The following NDUFA2 variants were observed in gnomAD, a reference collection of about 807,000 sequenced individuals.
The protein encoded by NDUFA2 is NADH:ubiquinone oxidoreductase subunit A2.
Under a neutral mutation model 11.4 loss-of-function variants are expected in NDUFA2, and 9 were observed. That is an observed-to-expected ratio of 0.79 (90% CI 0.48 to 1.38). NDUFA2 has a LOEUF of 1.38. Ranked by LOEUF, NDUFA2 falls within the 40% of genes most tolerant of loss-of-function variation. The pLI is 0.00. For synonymous variants in NDUFA2, 49 were observed against 54.0 expected (o/e 0.91, Z 0.41); for missense variants, 150 against 131.2 (o/e 1.14, Z -0.70).
At chr5:140,646,298 A>C (rs1757394300) in intron 2 of NDUFA2, among the ~76,000 whole-genome samples, 1 of 152,124 alleles carries the variant, frequency 6.6e-6, no homozygotes, top group Non-Finnish European at 1.5e-5. Context: ...GGCGTGAACC[A>C]CCGCACCCAG....
intron 2 of NDUFA2, among the ~76,000 whole-genome samples, chr5:140,646,522 C>T (rs1757411968): frequency 6.6e-6 from 1 of 152,176 alleles, no homozygotes; most frequent in Non-Finnish European, 1.5e-5. Context: ...TCACTCTCCT[C>T]CACCTCCTCC....
At position 140,645,389 on chromosome 5, in the gene NDUFA2, T is replaced by C; in HGVS notation, c.*198A>G. The C allele has an allele frequency of 4.9e-6, 4 of 812,168 alleles. No homozygotes were observed. The highest frequency in any genetic ancestry group is 8.2e-6 in the Non-Finnish European group (4 of 487,772). The allele number at this position is 812,168 out of a possible 1,614,324, so 50.3% of individuals were successfully genotyped here. On this transcript the variant is annotated 3_prime_UTR_variant, in exon 3 of 3. Coordinates refer to ENST00000252102, the MANE Select transcript of NDUFA2 (RefSeq NM_002488.5). Reference sequence around the variant, plus strand: ...AGCTTTTGATGAGACAGAATAAAGTTTTATTTTTATATTAAGCTACTTTGC... The same window carrying C: ...AGCTTTTGATGAGACAGAATAAAGTCTTATTTTTATATTAAGCTACTTTGC...
chr5:140,645,778 G>A, intron 2 of NDUFA2, 100 bp from the exon 3 acceptor site: 1 of 1,557,128 alleles, frequency 6.4e-7, no homozygotes, highest in Non-Finnish European at 8.8e-7. Context: ...TGTTAAGACA[G>A]GAAGAGTATT....
chr5:140,646,638 G>C (rs891998408), intron 2 of NDUFA2, among the ~76,000 whole-genome samples: 5 of 152,098 alleles, frequency 3.3e-5, no homozygotes, highest in Non-Finnish European at 7.4e-5. Flanking sequence ...CAACATGATA[G>C]GAAAATTTCA....
rs536634448 is a variant in NDUFA2, at chr5:140,645,569, T to G, written c.*18A>C. The G allele has an allele frequency of 3.7e-6, 6 of 1,614,076 alleles. No homozygotes were observed. The African/African-American group carries it at 8.0e-5, about 22-fold the overall frequency. The stretch of plus-strand genomic sequence containing the variant: ...GCCCAGGCTCTGGGGCTGTTGCTCT[T>G]AATCCTCAGTGGAGGCTTCAGGCTT... On this transcript the variant is annotated 3_prime_UTR_variant, in exon 3 of 3. Transcript: ENST00000252102.
chr5:140,645,747 T>A, intron 2 of NDUFA2, 69 bp from the exon 3 acceptor site: 1 of 1,608,698 alleles, frequency 6.2e-7, no homozygotes, highest in South Asian at 1.1e-5. Flanking sequence ...AAATAAAAGA[T>A]CTTTGTCTTT....
intron 2 of NDUFA2, among the ~76,000 whole-genome samples, chr5:140,646,377 C>T (rs1308504692): frequency 6.6e-6 from 1 of 152,112 alleles, no homozygotes; most frequent in Non-Finnish European, 1.5e-5. Context: ...ACTAAAGTTA[C>T]TCGTGTCTAT....
chr5:140,645,660 T>A lies in NDUFA2; in HGVS notation c.227A>T (p.Asn76Ile). The A allele has an allele frequency of 6.2e-7, 1 of 1,614,192 alleles. No homozygotes were observed. Among genetic ancestry groups the A allele is most frequent in the Non-Finnish European group, 8.5e-7 (1 of 1,180,014 alleles). Residue 76 changes from asparagine (N) to isoleucine (I), a missense_variant, in exon 3 of 3, where the codon AAT becomes ATT. Asn to Ile is a moderately radical substitution (Grantham distance 149, BLOSUM62 -3). Transcript: ENST00000252102. ...WARYAFGQET[N>I]VPLNNFSADQ... ...AGCACTGAAGTTGTTCAAAGGGACA[T>A]TCGTCTCTTGGCCAAATGCTGAAGA...
chr5:140,647,594 A>G lies in NDUFA2; in HGVS notation c.-11T>C, dbSNP rs770245226. 1.2e-6 allele frequency: 2 copies of G among 1,608,480 alleles called. No homozygotes were observed. The highest frequency in any genetic ancestry group is 1.7e-5 in the Admixed American group (1 of 59,884). ...TGCGGCCGCCGCCATCCTTGTTAAT[A>G]TCGAAGTCGCCAATTCCAGGTCTTC... is the stretch of plus-strand genomic sequence containing the variant. On this transcript the variant is annotated 5_prime_UTR_variant, in exon 1 of 3. Coordinates refer to ENST00000252102, the MANE Select transcript of NDUFA2 (RefSeq NM_002488.5).
At chr5:140,647,402 G>A (rs749897719) in intron 1 of NDUFA2, 40 bp from the exon 2 acceptor site, 1 of 1,610,940 alleles carries the variant, frequency 6.2e-7, no homozygotes, top group East Asian at 2.2e-5. Context: ...CTGTGGGCGG[G>A]GGCTTCCCTC....
In NDUFA2 at chr5:140,645,318, A is replaced by G. The variant is rs1757331882; in HGVS notation, c.*269T>C. 1.4e-6 allele frequency: 1 copy of G among 721,790 alleles called. No homozygotes were observed. Among genetic ancestry groups the G allele is most frequent in the Non-Finnish European group, 2.4e-6 (1 of 413,168 alleles). The allele number at this position is 721,790 out of a possible 1,614,324, so 44.7% of individuals were successfully genotyped here. A position where few individuals can be genotyped will look rare whatever the true frequency, so the allele number is the denominator to read the frequency against. On this transcript the variant is annotated 3_prime_UTR_variant, in exon 3 of 3. Coordinates refer to ENST00000252102, the MANE Select transcript of NDUFA2 (RefSeq NM_002488.5). Reference sequence around the variant, plus strand: ...TGGTCTACTTACTCTGGGGCCCTAGAATCCCTGCCCCCCCGCCACCCTTCA... The same window carrying G: ...TGGTCTACTTACTCTGGGGCCCTAGGATCCCTGCCCCCCCGCCACCCTTCA...
At chr5:140,646,887 G>A (rs947661587) in intron 2 of NDUFA2, among the ~76,000 whole-genome samples, 1 of 152,180 alleles carries the variant, frequency 6.6e-6, no homozygotes, top group Non-Finnish European at 1.5e-5. Flanking sequence ...ACTCAGCACA[G>A]GGCCCAGCTC....
chr5:140,645,777 AG>A, intron 2 of NDUFA2, 99 bp from the exon 3 acceptor site: 2 of 1,565,256 alleles, frequency 1.3e-6, no homozygotes, highest in South Asian at 2.3e-5. Flanking sequence ...TTGTTAAGAC[AG>A]GAAGAGTATT....
chr5:140,647,200 T>C, intron 2 of NDUFA2, 56 bp downstream of exon 2: 6 of 1,508,354 alleles, frequency 4.0e-6, no homozygotes, highest in Non-Finnish European at 5.3e-6. Flanking sequence ...GTCCCTTCTC[T>C]TCTCAAACCC....
intron 2 of NDUFA2, among the ~76,000 whole-genome samples, chr5:140,646,387 T>C (rs1757402221): frequency 6.6e-6 from 1 of 152,138 alleles, no homozygotes; most frequent in African/African-American, 2.4e-5. Context: ...CTCGTGTCTA[T>C]CTCCTCCTGT....
At position 140,647,095 on chromosome 5, in the gene NDUFA2, C is replaced by A. The variant is rs1250840021; in HGVS notation, c.208+161G>T. On this transcript the variant is annotated intron_variant, in intron 2 of 2. Transcript: ENST00000252102. Reference sequence around the variant, plus strand: ...CCCGGAATACAACGCATCATATAACCCTGCGAATATAAATTTCTTCATGGA... The same window carrying A: ...CCCGGAATACAACGCATCATATAACACTGCGAATATAAATTTCTTCATGGA... 5.0e-6 allele frequency: 4 copies of A among 808,014 alleles called. No individual in the cohort carries two copies. The African/African-American group carries it at 6.9e-5, about 14-fold the overall frequency. The allele number at this position is 808,014 out of a possible 1,614,324, so 50.1% of individuals were successfully genotyped here. A position where few individuals can be genotyped will look rare whatever the true frequency, so the allele number is the denominator to read the frequency against.
intron 2 of NDUFA2, 38 bp downstream of exon 2, chr5:140,647,218 C>A: frequency 6.6e-7 from 1 of 1,520,972 alleles, no homozygotes; most frequent in Admixed American, 2.2e-5. Context: ...CCCTTGTTCC[C>A]CTACCGGAGC....
intron 2 of NDUFA2, among the ~76,000 whole-genome samples, chr5:140,645,963 C>A (rs1025724094): frequency 6.6e-6 from 1 of 150,562 alleles, no homozygotes; most frequent in African/African-American, 2.4e-5. Flanking sequence ...CTACGGTGAG[C>A]AATGTATTGC....
At position 140,645,288 on chromosome 5, in the gene NDUFA2, CAG is replaced by C. The variant is rs962464939; in HGVS notation, c.*297_*298del. Reference sequence around the variant, plus strand: ...CCAGGCAGGAGGACCAAAAGGGACTCAGTGTGGTCTACTTACTCTGGGGCCCT... The same window carrying C: ...CCAGGCAGGAGGACCAAAAGGGACTCTGTGGTCTACTTACTCTGGGGCCCT... On this transcript the variant is annotated 3_prime_UTR_variant, in exon 3 of 3. Coordinates refer to ENST00000252102, the MANE Select transcript of NDUFA2 (RefSeq NM_002488.5). The C allele has an allele frequency of 3.1e-5, 22 of 709,926 alleles. No homozygotes were observed. The African/African-American group carries it at 3.9e-4, about 13-fold the overall frequency. The allele number at this position is 709,926 out of a possible 1,614,324, so 44.0% of individuals were successfully genotyped here.
Sources: gnomAD v4.1 joint callset for allele counts (sites outside exome capture counted in the v4.1 genomes callset) on GRCh38, gnomAD v4.1.1 for gene constraint, MANE v1.5 for transcripts, NCBI Gene and HGNC (gene_info 2026-07-23, HGNC 2026-07-21) for gene names.